The following ZGLP1 variants were observed in gnomAD, a reference collection of about 807,000 sequenced individuals.
ZGLP1 encodes the protein zinc finger GATA like protein 1.
In ZGLP1, 11 loss-of-function variants were observed where a neutral mutation model predicts 21.4. The observed-to-expected ratio is 0.51, with a 90% CI of 0.32 to 0.85. The LOEUF (loss-of-function observed/expected upper bound fraction) is 0.85. Among genes scored for constraint, ZGLP1 ranks in the 40% least tolerant of loss-of-function variants. The pLI, the probability that ZGLP1 is intolerant of heterozygous loss-of-function variation, is 0.03. For synonymous variants in ZGLP1, 148 were observed against 145.0 expected (o/e 1.02, Z -0.15); for missense variants, 295 against 355.6 (o/e 0.83, Z 1.37).
Position 10,305,887 on chromosome 19 carries a change from G to T in ZGLP1, c.563C>A (p.Pro188Gln). 2 of 1,563,938 alleles carry T rather than the reference G, an allele frequency of 1.3e-6. No homozygotes were observed. Among genetic ancestry groups the T allele is most frequent in the Non-Finnish European group, 1.7e-6 (2 of 1,152,810 alleles). The stretch of plus-strand genomic sequence containing the variant: ...TGCTGAGTGGGCCTCGGTGCCTCCT[G>T]GGTGGGCTGCAGGGCCCCCAACAGC... Residue 188 changes from proline (P) to glutamine (Q), a missense_variant, in exon 2 of 4, where the codon CCA (proline) becomes CAA (glutamine). Physicochemically the swap from Pro to Gln is moderately conservative, Grantham distance 76 (BLOSUM62 -1). Transcript: ENST00000403903. The surrounding 1 kb of genome is among the most constrained non-coding windows in gnomAD (Gnocchi z 4.7).
exon 1 of ZGLP1, chr19:10,308,925 C>T: frequency 2.9e-6 from 1 of 343,458 alleles, no homozygotes; most frequent in Non-Finnish European, 5.3e-6. Context: ...TCTGTACCCC[C>T]GCCTGGAGTG....
In ZGLP1 at chr19:10,305,464, G is replaced by C; in HGVS notation, c.624C>G (p.Ser208=). Residue 208 remains serine, a synonymous_variant, in exon 3 of 4, where the codon TCC becomes TCG. Coordinates refer to ENST00000403903, the Ensembl canonical transcript of ZGLP1. The surrounding 1 kb of genome is among the most constrained non-coding windows in gnomAD (Gnocchi z 4.7). ...AGAGCGGGGTCCTCTGGGTCCGACAGGAAGCACAGCGCCGGGGCTCTGAAG... is the reference window on the plus strand; with the variant it reads ...AGAGCGGGGTCCTCTGGGTCCGACACGAAGCACAGCGCCGGGGCTCTGAAG... 1 of 1,598,462 alleles carries C rather than the reference G, an allele frequency of 6.3e-7. No homozygotes were observed. The highest frequency in any genetic ancestry group is 8.5e-7 in the Non-Finnish European group (1 of 1,172,720).
At chr19:10,306,241 C>T (rs903915383) in intron 1 of ZGLP1, among the ~76,000 whole-genome samples, 2 of 151,714 alleles carry the variant, frequency 1.3e-5, no homozygotes, top group Non-Finnish European at 1.5e-5. Flanking sequence ...GCCTCCCAAG[C>T]AGCTGGGACT....
intron 1 of ZGLP1, 56 bp downstream of exon 2, chr19:10,308,129 C>T: frequency 6.7e-7 from 1 of 1,503,700 alleles, no homozygotes; most frequent in Non-Finnish European, 8.8e-7. Flanking sequence ...ACCTCCCACA[C>T]TGGTGTTTGC....
At chr19:10,307,183 T>A (rs2040284173) in intron 1 of ZGLP1, among the ~76,000 whole-genome samples, 1 of 151,788 alleles carries the variant, frequency 6.6e-6, no homozygotes, top group Admixed American at 6.6e-5. Flanking sequence ...AAAGTCATAA[T>A]TATAATTTTT....
At chr19:10,306,708 G>A (rs995424573) in intron 1 of ZGLP1, among the ~76,000 whole-genome samples, 1 of 152,076 alleles carries the variant, frequency 6.6e-6, no homozygotes, top group Non-Finnish European at 1.5e-5. Flanking sequence ...CCAGCTAGTT[G>A]GGAGGCTGAG....
chr19:10,308,764 C>G, exon 1 of ZGLP1: 1 of 1,319,216 alleles, frequency 7.6e-7, no homozygotes, highest in Non-Finnish European at 9.8e-7. Flanking sequence ...CACGCCCAGC[C>G]CTCCACATCA....
chr19:10,308,739 T>C (rs2040294932), exon 1 of ZGLP1: 2 of 1,407,010 alleles, frequency 1.4e-6, no homozygotes, highest in South Asian at 1.9e-5. Context: ...CCTCGCCCAC[T>C]GTGGGCCTCC....
chr19:10,304,854 T>C, exon 4 of ZGLP1: 3 of 565,332 alleles, frequency 5.3e-6, no homozygotes, highest in Non-Finnish European at 9.4e-6. Context: ...TGCTCATCCT[T>C]CCTGAGAGCG....
At chr19:10,308,814 A>T in exon 1 of ZGLP1, 1 of 809,042 alleles carries the variant, frequency 1.2e-6, no homozygotes, top group Non-Finnish European at 1.7e-6. Context: ...CCAGGCAGGG[A>T]CCGCCCTAGG....
chr19:10,305,106 G>A lies in ZGLP1; in HGVS notation c.801C>T (p.Pro267=), dbSNP rs758933900. 1 of 1,613,310 alleles carries A rather than the reference G, an allele frequency of 6.2e-7. No homozygotes were observed. Among genetic ancestry groups the A allele is most frequent in the Admixed American group, 1.7e-5 (1 of 59,978 alleles). Residue 267 remains proline, a synonymous_variant, in exon 4 of 4, where the codon CCC becomes CCT. Coordinates refer to ENST00000403903, the Ensembl canonical transcript of ZGLP1. The surrounding 1 kb of genome is among the most constrained non-coding windows in gnomAD (Gnocchi z 4.7). ...GAAGCTGGGTTTAACCTTCCTGAAT[G>A]GGGTCCAGGGACACTCCACATCTGC...
In ZGLP1 at chr19:10,305,818, T is replaced by C; in HGVS notation, c.604+28A>G. ...GACAGGAAATTGGCCCCCAAAATAT[T>C]TATAGCTCTTGGGTTTTCAGGACTC... On this transcript the variant is annotated intron_variant, in intron 2 of 3. Transcript: ENST00000403903. This position sits in a 1 kb window ranked among gnomAD's most constrained non-coding sequence, Gnocchi z 4.7. 1 of 1,517,850 alleles carries C rather than the reference T, an allele frequency of 6.6e-7. No individual in the cohort carries two copies. The highest frequency in any genetic ancestry group is 9.0e-7 in the Non-Finnish European group (1 of 1,116,300). 94.0% of individuals were successfully genotyped at this position (1,517,850 alleles called of 1,614,324 possible).
In ZGLP1 at chr19:10,305,700, G is replaced by A; in HGVS notation, c.604+146C>T. 1.3e-6 allele frequency: 1 copy of A among 763,634 alleles called. No individual in the cohort carries two copies. Among genetic ancestry groups the A allele is most frequent in the East Asian group, 2.7e-5 (1 of 37,324 alleles). The allele number at this position is 763,634 out of a possible 1,614,324, so 47.3% of individuals were successfully genotyped here. A position where few individuals can be genotyped will look rare whatever the true frequency, so the allele number is the denominator to read the frequency against. On this transcript the variant is annotated intron_variant, in intron 2 of 3. Transcript: ENST00000403903. This position sits in a 1 kb window ranked among gnomAD's most constrained non-coding sequence, Gnocchi z 4.7. ...GGAAGCTGGGGGTGGGGGTGACTCAGCCCAAGTGGAGGGGGGTGCTGCGAC... is the reference window on the plus strand; with the variant it reads ...GGAAGCTGGGGGTGGGGGTGACTCAACCCAAGTGGAGGGGGGTGCTGCGAC...
Position 10,305,597 on chromosome 19 carries a change from G to T in ZGLP1, c.605-114C>A, listed in dbSNP as rs2040274693. 6.4e-6 allele frequency: 6 copies of T among 944,316 alleles called. No individual in the cohort carries two copies. The Middle Eastern group carries it at 8.5e-4, about 134-fold the overall frequency. The allele number at this position is 944,316 out of a possible 1,614,324, so 58.5% of individuals were successfully genotyped here. On this transcript the variant is annotated intron_variant, in intron 2 of 3. Coordinates refer to ENST00000403903, the Ensembl canonical transcript of ZGLP1. The surrounding 1 kb of genome is among the most constrained non-coding windows in gnomAD (Gnocchi z 4.7). ...CTCAGTAAAGGCCCCACCTAGCTCT[G>T]GATCAGCCCTGGGAGTTGCCAGCTC...
chr19:10,305,386 G>A lies in ZGLP1; in HGVS notation c.698+4C>T. ...GCCCCAACTCCCTCCTCCATTCTAA[G>A]GACCTGATCCCACAGGCGTTGCAGA... On this transcript the variant is annotated splice_donor_region_variant and intron_variant, in intron 3 of 3. Coordinates refer to ENST00000403903, the Ensembl canonical transcript of ZGLP1. The surrounding 1 kb of genome is among the most constrained non-coding windows in gnomAD (Gnocchi z 4.7). The A allele has an allele frequency of 6.3e-7, 1 of 1,587,242 alleles. No homozygotes were observed. Among genetic ancestry groups the A allele is most frequent in the Non-Finnish European group, 8.6e-7 (1 of 1,166,724 alleles).
At chr19:10,308,583 T>G (rs765920058) in exon 1 of ZGLP1, 1 of 1,586,342 alleles carries the variant, frequency 6.3e-7, no homozygotes. Flanking sequence ...CACGTTTTCT[T>G]GGGTGACTCC....
At chr19:10,308,457 G>C (rs2040292386) in exon 1 of ZGLP1, 1 of 1,610,610 alleles carries the variant, frequency 6.2e-7, no homozygotes, top group East Asian at 2.2e-5. Context: ...CCAGGACCGG[G>C]GTGTCCTGGG....
At chr19:10,308,484 C>A (rs778244011) in exon 1 of ZGLP1, 45 of 1,611,754 alleles carry the variant, frequency 2.8e-5, no homozygotes, top group Non-Finnish European at 3.7e-5. Flanking sequence ...ACTGACCCAG[C>A]CTCTCCACTG....
chr19:10,308,377 G>C lies in ZGLP1; in HGVS notation c.305C>G (p.Thr102Arg), dbSNP rs762993935. The C allele has an allele frequency of 3.0e-5, 48 of 1,608,108 alleles. No individual in the cohort carries two copies. The highest frequency in any genetic ancestry group is 5.1e-5 in the Admixed American group (3 of 58,806). ...GCCCTTTTGGCTGATCCTGGTCTGT[G>C]TGTCCTTGGAATCCCTGTCCAGCAG... The change falls in exon 1 of 4, where the codon ACA becomes AGA. Residue 102 changes from threonine (T) to arginine (R), a missense_variant. Thr to Arg is a moderately conservative substitution (Grantham distance 71, BLOSUM62 -1). Around this residue, in one of 2 missense-constraint regions of ZGLP1, gnomAD observed 252 missense variants for 264.0 expected, o/e 0.95. Coordinates refer to ENST00000403903, the Ensembl canonical transcript of ZGLP1.
Sources: gnomAD v4.1 joint callset for allele counts (sites outside exome capture counted in the v4.1 genomes callset) on GRCh38, gnomAD v4.1.1 for gene constraint, gnomAD v4.1.1 regional missense constraint, Gnocchi (gnomAD v3.1) non-coding constraint, MANE v1.5 for transcripts, NCBI Gene and HGNC (gene_info 2026-07-23, HGNC 2026-07-21) for gene names.